SLC12A8: variants seen among roughly 807,000 people sequenced by gnomAD.
SLC12A8 encodes the protein cation-chloride cotransporter 9.
A neutral mutation model predicts 75.6 loss-of-function variants in SLC12A8; 69 were observed. The observed-to-expected ratio is 0.91, with a 90% confidence interval of 0.75 to 1.11. The LOEUF (loss-of-function observed/expected upper bound fraction) is 1.11. Ranked by LOEUF, SLC12A8 falls within the 50% of genes most tolerant of loss-of-function variation. The probability of loss-of-function intolerance (pLI) is 0.00; values close to 1 mark genes in which losing one functional copy is unlikely to be tolerated. For missense variants in SLC12A8, 877 were observed against 896.7 expected (o/e 0.98, Z 0.28); for synonymous variants, 365 against 372.8 (o/e 0.98, Z 0.24).
chr3:125,111,173 G>C (rs1579477302), intron 8 of SLC12A8, among the ~76,000 whole-genome samples: 1 of 152,170 alleles, frequency 6.6e-6, no homozygotes, highest in East Asian at 1.9e-4. Flanking sequence ...CTTCATTTAA[G>C]CAGGCCTTCT....
In SLC12A8 at chr3:125,110,324, C is replaced by T. The variant is rs373135489; in HGVS notation, c.924G>A (p.Met308Ile). ...ATAAGCCCAAAAGGAACAGGAAGCC[C>T]ATGAGGGATACCTGTGTGAGAAGCG... ...DFLIAEKVSL[M>I]GFLFLLGLYI... Residue 308 changes from methionine to isoleucine, a missense_variant, in exon 9 of 14, where the codon ATG becomes ATA. Transcript: ENST00000469902. 4.1e-5 allele frequency: 66 copies of T among 1,613,464 alleles called. 1 individual carries two copies. The highest frequency in any genetic ancestry group is 4.1e-4 in the South Asian group (37 of 91,032).
intron 6 of SLC12A8, among the ~76,000 whole-genome samples, chr3:125,133,361 A>G (rs2945121): frequency 0.087 from 11,314 of 129,358 alleles, 499 homozygotes; most frequent in Admixed American, 0.13. Context: ...ACACACACAC[A>G]CGCACACACA....
chr3:125,102,873 C>G (rs1579470054), intron 10 of SLC12A8, among the ~76,000 whole-genome samples: 1 of 152,180 alleles, frequency 6.6e-6, no homozygotes, highest in Middle Eastern at 3.4e-3. Context: ...AGAGTGAACC[C>G]TAGGGCCCCC....
chr3:125,140,743 AG>A (rs374480472), intron 5 of SLC12A8, among the ~76,000 whole-genome samples: 3 of 150,510 alleles, frequency 2.0e-5, no homozygotes, highest in African/African-American at 7.4e-5. Context: ...TTAAAGAGGC[AG>A]GGTCTCGCTC....
intron 10 of SLC12A8, among the ~76,000 whole-genome samples, chr3:125,105,763 C>T (rs1277626954): frequency 6.6e-6 from 1 of 152,096 alleles, no homozygotes; most frequent in Non-Finnish European, 1.5e-5. Context: ...GGTGTGGTGG[C>T]TCACGCCTGT....
chr3:125,182,828 A>G (rs1196602333), intron 4 of SLC12A8, among the ~76,000 whole-genome samples: 1 of 151,918 alleles, frequency 6.6e-6, no homozygotes, highest in Non-Finnish European at 1.5e-5. Context: ...CCATTTTTGT[A>G]AAAACAAGCA....
chr3:125,179,161 G>A lies in SLC12A8; in HGVS notation c.391-1187C>T, dbSNP rs201722456. 2.0e-4 allele frequency among the ~76,000 whole-genome samples: 30 copies of A among 152,046 alleles called. No individual in the cohort carries two copies. The South Asian group carries it at 2.1e-3, about 11-fold the overall frequency. ...AACAAATTCTATTAGGGCCTCATTC[G>A]TTCAAGTCCCTCCTTTTCCATGAGG... On this transcript the variant is annotated intron_variant, in intron 4 of 13. Transcript: ENST00000469902.
Position 125,120,496 on chromosome 3 carries a change from TCACAGTCGGGG to T in SLC12A8, c.824+92_824+102del. On this transcript the variant is annotated intron_variant, in intron 7 of 13. Transcript: ENST00000469902. ...AGGATCGGAATATGAAATAGATTGG[TCACAGTCGGGG>T]CACTCTCAGAACAAAAGGGGCAATC... is the stretch of plus-strand genomic sequence containing the variant. The T allele has an allele frequency of 3.6e-6, 3 of 823,844 alleles. No individual in the cohort carries two copies. The South Asian group carries it at 4.4e-5, about 12-fold the overall frequency. The allele number at this position is 823,844 out of a possible 1,614,324, so 51.0% of individuals were successfully genotyped here. A position where few individuals can be genotyped will look rare whatever the true frequency, so the allele number is the denominator to read the frequency against.
intron 10 of SLC12A8, among the ~76,000 whole-genome samples, chr3:125,100,276 T>G (rs1251344956): frequency 6.6e-6 from 1 of 152,186 alleles, no homozygotes; most frequent in South Asian, 2.1e-4. Flanking sequence ...ATGAAAAACT[T>G]TAATCAACAG....
In SLC12A8 at chr3:125,188,615, T is replaced by C. The variant is rs1231038617; in HGVS notation, c.199-1187A>G. Among the ~76,000 whole-genome samples the C allele has an allele frequency of 2.6e-5, 4 of 152,172 alleles. No individual in the cohort carries two copies. The South Asian group carries it at 8.3e-4, about 32-fold the overall frequency. Reference sequence around the variant, plus strand: ...ACACAGCACTTCTAAGAAGGAGATGTAATGTCACATGTTTTGCAATAGAAA... The same window carrying C: ...ACACAGCACTTCTAAGAAGGAGATGCAATGTCACATGTTTTGCAATAGAAA... On this transcript the variant is annotated intron_variant, in intron 3 of 13. Coordinates refer to ENST00000469902, the MANE Select transcript of SLC12A8 (RefSeq NM_024628.6).
intron 3 of SLC12A8, 146 bp from the exon 4 acceptor site, chr3:125,187,574 G>A: frequency 4.2e-6 from 3 of 708,460 alleles, no homozygotes; most frequent in Non-Finnish European, 7.3e-6. Context: ...AACTAAAAAG[G>A]ACAAAGCAAG....
At chr3:125,190,246 G>T in intron 3 of SLC12A8, 129 bp downstream of exon 3, 1 of 986,420 alleles carries the variant, frequency 1.0e-6, no homozygotes, top group Non-Finnish European at 1.5e-6. Context: ...CATCGTGCTT[G>T]CTTCTGTTTC....
In SLC12A8 at chr3:125,104,507, GAAA is replaced by G. The variant is rs35777145; in HGVS notation, c.1705+2971_1705+2973del. Among the ~76,000 whole-genome samples the G allele has an allele frequency of 4.6e-3, 577 of 125,214 alleles. 6 individuals are homozygous for G. The highest frequency in any genetic ancestry group is 0.016 in the African/African-American group (550 of 34,214). 82.1% of individuals were successfully genotyped at this position (125,214 alleles called of 152,430 possible). On this transcript the variant is annotated intron_variant, in intron 10 of 13. Coordinates refer to ENST00000469902, the MANE Select transcript of SLC12A8 (RefSeq NM_024628.6). ...ACAAAAATAGATGATGTTCAAATTA[GAAA>G]AAAAAAAAAAAAAAGACAAGGACAA...
intron 3 of SLC12A8, 146 bp downstream of exon 3, chr3:125,190,229 A>G (rs1934882265): frequency 1.2e-6 from 1 of 819,780 alleles, no homozygotes; most frequent in South Asian, 1.8e-5. Context: ...AAGCAATGCT[A>G]GCTATTCATC....
chr3:125,103,621 C>T (rs1488938747), intron 10 of SLC12A8, among the ~76,000 whole-genome samples: 2 of 151,642 alleles, frequency 1.3e-5, no homozygotes, highest in Non-Finnish European at 2.9e-5. Flanking sequence ...TGTGTCATCA[C>T]ACTTGGCTCA....
chr3:125,138,117 A>T (rs879456348), intron 5 of SLC12A8, among the ~76,000 whole-genome samples: 1 of 152,138 alleles, frequency 6.6e-6, no homozygotes, highest in Non-Finnish European at 1.5e-5. Context: ...AAATCGGGGG[A>T]GGGGTCGGGT....
At chr3:125,195,854 A>G (rs1257246750) in intron 2 of SLC12A8, among the ~76,000 whole-genome samples, 1 of 152,262 alleles carries the variant, frequency 6.6e-6, no homozygotes, top group East Asian at 1.9e-4. Context: ...GGCCACCTAA[A>G]CAAGGGCTTC....
chr3:125,092,120 G>C lies in SLC12A8; in HGVS notation c.1784C>G (p.Pro595Arg). ...ACTCACCCCCAACAGGGAGACCCAGGGGTTGCACATGTGGGTATAGAAAGA... is the reference window on the plus strand; with the variant it reads ...ACTCACCCCCAACAGGGAGACCCAGCGGTTGCACATGTGGGTATAGAAAGA... The part of the protein sequence containing the change: ...STSFYTHMCN[P>R]WVSLLGAVGS... Residue 595 changes from proline to arginine, a missense_variant, in exon 11 of 14, where the codon CCC becomes CGC. Coordinates refer to ENST00000469902, the MANE Select transcript of SLC12A8 (RefSeq NM_024628.6). 1 of 1,611,670 alleles carries C rather than the reference G, an allele frequency of 6.2e-7. No homozygotes were observed. Among genetic ancestry groups the C allele is most frequent in the Non-Finnish European group, 8.5e-7 (1 of 1,178,044 alleles).
intron 10 of SLC12A8, among the ~76,000 whole-genome samples, chr3:125,104,493 T>A: frequency 9.1e-6 from 1 of 109,536 alleles, no homozygotes; most frequent in African/African-American, 3.7e-5. Flanking sequence ...CAAAAATAGA[T>A]GATGTTCAAA....
Sources: gnomAD v4.1 joint callset for allele counts (sites outside exome capture counted in the v4.1 genomes callset) on GRCh38, gnomAD v4.1.1 for gene constraint, MANE v1.5 for transcripts, NCBI Gene and HGNC (gene_info 2026-07-23, HGNC 2026-07-21) for gene names.